Variants in POLE observed in about 807,000 individuals in gnomAD.
The protein encoded by POLE is DNA polymerase epsilon catalytic subunit A.
A neutral mutation model predicts 279.2 loss-of-function variants in POLE; 188 were observed. The observed-to-expected ratio is 0.67, with a 90% CI of 0.60 to 0.76. The LOEUF is 0.76. Among genes scored for constraint, POLE ranks in the 30% least tolerant of loss-of-function variants. The probability of loss-of-function intolerance (pLI) is 0.00; values close to 1 mark genes in which losing one functional copy is unlikely to be tolerated. For missense variants in POLE, 2,703 were observed against 3,016.7 expected (o/e 0.90, Z 2.44); for synonymous variants, 1,214 against 1,172.5 (o/e 1.04, Z -0.72).
Position 132,676,649 on chromosome 12 carries a change from G to GACA in POLE, c.805_806insTGT (p.Pro269delinsLeuSer). 1 of 1,604,410 alleles carries GACA rather than the reference G, an allele frequency of 6.2e-7. No individual in the cohort carries two copies. Among genetic ancestry groups the GACA allele is most frequent in the Non-Finnish European group, 8.5e-7 (1 of 1,171,282 alleles). The stretch of plus-strand genomic sequence containing the variant: ...CTCAATGTCAAATGCCAAAACCACA[G>GACA]GGTCCTGTGGGGACAAAATAAGCAT... On this transcript the variant is annotated protein_altering_variant, in exon 9 of 49. Coordinates refer to ENST00000320574, the MANE Select transcript of POLE (RefSeq NM_006231.4).
chr12:132,653,145 G>A (rs984228639), intron 29 of POLE, among the ~76,000 whole-genome samples: 7 of 152,158 alleles, frequency 4.6e-5, no homozygotes, highest in African/African-American at 1.7e-4. Flanking sequence ...TTTGGGGGGG[G>A]CCCAGGCAGG....
In POLE at chr12:132,668,383, C is replaced by T. The variant is rs1379490235; in HGVS notation, c.2146G>A (p.Ala716Thr). 6.3e-7 allele frequency: 1 copy of T among 1,597,042 alleles called. No homozygotes were observed. Among genetic ancestry groups the T allele is most frequent in the Admixed American group, 1.7e-5 (1 of 57,276 alleles). ...AFHELSREEQAKYEKRRLADY... is the reference protein window; with the variant it reads ...AFHELSREEQTKYEKRRLADY... ...GCCAGCCTTCTCTTCTCGTATTTCGCCTGTTCCTCGCGGGACAGTTCATGA... is the reference window on the plus strand; with the variant it reads ...GCCAGCCTTCTCTTCTCGTATTTCGTCTGTTCCTCGCGGGACAGTTCATGA... Residue 716 changes from alanine (A) to threonine (T), a missense_variant, in exon 19 of 49, where the codon GCG becomes ACG. Transcript: ENST00000320574. This position sits in a 1 kb window ranked among gnomAD's most constrained non-coding sequence, Gnocchi z 4.0.
At chr12:132,677,961 C>T (rs547849475) in intron 6 of POLE, among the ~76,000 whole-genome samples, 12 of 152,104 alleles carry the variant, frequency 7.9e-5, no homozygotes, top group Admixed American at 1.3e-4. Flanking sequence ...GCGGATCACC[C>T]GAGGTCAGGA....
At position 132,634,989 on chromosome 12, in the gene POLE, G is replaced by A. The variant is rs2042005115; in HGVS notation, c.5812-611C>T. On this transcript the variant is annotated intron_variant, in intron 42 of 48. Coordinates refer to ENST00000320574, the MANE Select transcript of POLE (RefSeq NM_006231.4). This position sits in a 1 kb window ranked among gnomAD's most constrained non-coding sequence, Gnocchi z 4.0. ...TCCTGGGCAGTCTTGGCTTCATCCT[G>A]CCAGCTCCCAGAAGCGTCTGCGTCC... Among the ~76,000 whole-genome samples, 1 of 152,148 alleles carries A rather than the reference G, an allele frequency of 6.6e-6. No homozygotes were observed. Among genetic ancestry groups the A allele is most frequent in the South Asian group, 2.1e-4 (1 of 4,832 alleles).
chr12:132,634,529 G>A lies in POLE; in HGVS notation c.5812-151C>T, dbSNP rs1435056805. The A allele has an allele frequency of 1.2e-5, 9 of 769,604 alleles. No individual in the cohort carries two copies. The highest frequency in any genetic ancestry group is 1.9e-5 in the Non-Finnish European group (9 of 467,520). 47.7% of individuals were successfully genotyped at this position (769,604 alleles called of 1,614,324 possible). A position where few individuals can be genotyped will look rare whatever the true frequency, so the allele number is the denominator to read the frequency against. On this transcript the variant is annotated intron_variant, in intron 42 of 48. Coordinates refer to ENST00000320574, the MANE Select transcript of POLE (RefSeq NM_006231.4). This position sits in a 1 kb window ranked among gnomAD's most constrained non-coding sequence, Gnocchi z 4.0. The stretch of plus-strand genomic sequence containing the variant: ...AGTCAAGGCATCCCCTGGAGCCTGC[G>A]TGAATCCCCCAGGGTGGCTCCCAGT...
In POLE at chr12:132,624,269, G is replaced by A. The variant is rs371348285; in HGVS notation, c.*428C>T. On this transcript the variant is annotated 3_prime_UTR_variant, in exon 49 of 49. Transcript: ENST00000320574. ...CACCAGGGCCTTGGGAACCCGTCTC[G>A]TCTCAGAGCCCAATCTCAGGGAGCC... 8.4e-5 allele frequency: 22 copies of A among 261,746 alleles called. No individual in the cohort carries two copies. The highest frequency in any genetic ancestry group is 8.4e-4 in the South Asian group (8 of 9,560). 16.2% of individuals were successfully genotyped at this position (261,746 alleles called of 1,614,324 possible). A position where few individuals can be genotyped will look rare whatever the true frequency, so the allele number is the denominator to read the frequency against.
chr12:132,624,837 A>G, intron 48 of POLE, 27 bp from the exon 49 acceptor site: 1 of 1,586,670 alleles, frequency 6.3e-7, no homozygotes, highest in Non-Finnish European at 8.7e-7. Context: ...GCACAGTGAG[A>G]CCCCAGTCCA....
chr12:132,640,829 C>A (rs1238663605), intron 39 of POLE, among the ~76,000 whole-genome samples: 2 of 152,190 alleles, frequency 1.3e-5, no homozygotes, highest in Non-Finnish European at 1.5e-5. Context: ...CCTTTCAGGC[C>A]TGGGCTACTG....
intron 45 of POLE, among the ~76,000 whole-genome samples, chr12:132,630,516 G>A (rs542237718): frequency 2.6e-5 from 4 of 152,132 alleles, no homozygotes; most frequent in East Asian, 1.9e-4. Context: ...TTGGGAGGCC[G>A]AAGCAGGTGG....
chr12:132,662,391 A>T (rs1191950291), intron 23 of POLE, among the ~76,000 whole-genome samples: 1 of 152,270 alleles, frequency 6.6e-6, no homozygotes, highest in Non-Finnish European at 1.5e-5. Flanking sequence ...AGGATTGAAC[A>T]AACACATATA....
chr12:132,641,932 AC>A, intron 38 of POLE, 81 bp from the exon 39 acceptor site: 1 of 1,354,026 alleles, frequency 7.4e-7, no homozygotes, highest in Non-Finnish European at 1.0e-6. Flanking sequence ...TCCAGCCACC[AC>A]CACCTCCAGA....
In POLE at chr12:132,664,440, T is replaced by A. The variant is rs769073696; in HGVS notation, c.2491A>T (p.Met831Leu). 6.2e-7 allele frequency: 1 copy of A among 1,613,920 alleles called. No individual in the cohort carries two copies. Among genetic ancestry groups the A allele is most frequent in the African/African-American group, 1.3e-5 (1 of 74,984 alleles). The change falls in exon 22 of 49, where the codon ATG (methionine) becomes TTG (leucine). Residue 831 changes from methionine (M) to leucine (L), a missense_variant. By Grantham distance (15) the Met-to-Leu change is conservative (BLOSUM62 2). This residue lies in a region of POLE where 1,011 missense variants were observed against 1,111.7 expected (regional missense o/e 0.91). Transcript: ENST00000320574. The surrounding 1 kb of genome is among the most constrained non-coding windows in gnomAD (Gnocchi z 5.3). Reference sequence around the variant, plus strand: ...CCTGTGAAGCAGACGATGCCAGCCATCTCCATGGAGTACCAGCGAGCCCTG... The same window carrying A: ...CCTGTGAAGCAGACGATGCCAGCCAACTCCATGGAGTACCAGCGAGCCCTG... ...RKGARWYSMEMAGIVCFTGAN... is the reference protein window; with the variant it reads ...RKGARWYSMELAGIVCFTGAN...
In POLE at chr12:132,625,700, A is replaced by G; in HGVS notation, c.6602T>C (p.Met2201Thr). 6.2e-7 allele frequency: 1 copy of G among 1,613,756 alleles called. No individual in the cohort carries two copies. The highest frequency in any genetic ancestry group is 1.7e-5 in the Admixed American group (1 of 60,026). The change falls in exon 47 of 49, where the codon ATG becomes ACG. Residue 2201 changes from methionine to threonine, a missense_variant. By Grantham distance (81) the Met-to-Thr change is moderately conservative. Transcript: ENST00000320574. Reference protein sequence around the residue: ...QAPYDSSAIEMTLVEVLQKKL... With the variant: ...QAPYDSSAIETTLVEVLQKKL... ...CTTCTGTAGAACTTCCACCAGCGTC[A>G]TCTCGATGGCAGAGGAGTCGTAGGG...
At chr12:132,680,972 G>T in intron 2 of POLE, 166 bp downstream of exon 2, 1 of 760,490 alleles carries the variant, frequency 1.3e-6, no homozygotes, top group Non-Finnish European at 2.1e-6. Flanking sequence ...GCCTCTCTGT[G>T]GCCCTCAATG....
chr12:132,644,038 A>G, intron 32 of POLE, 61 bp from the exon 33 acceptor site: 1 of 1,554,740 alleles, frequency 6.4e-7, no homozygotes, highest in Admixed American at 1.8e-5. Context: ...TGTGGTACAC[A>G]CACAAAGCAC....
chr12:132,624,975 CCG>C lies in POLE; in HGVS notation c.6675_6676del (p.Val2227GlufsTer76). 6.2e-7 allele frequency: 1 copy of C among 1,613,932 alleles called. No individual in the cohort carries two copies. The highest frequency in any genetic ancestry group is 8.5e-7 in the Non-Finnish European group (1 of 1,179,964). On this transcript the variant is annotated frameshift_variant, in exon 48 of 49. Coordinates refer to ENST00000320574, the MANE Select transcript of POLE (RefSeq NM_006231.4). LOFTEE classifies it high-confidence loss of function. The stretch of plus-strand genomic sequence containing the variant: ...CACAGGCATGCTGGTCTCCTTCACC[CCG>C]CGGCACTTCAGGCAGACCTGAAAGG...
intron 32 of POLE, among the ~76,000 whole-genome samples, chr12:132,645,947 C>T (rs1390759999): frequency 6.6e-6 from 1 of 152,174 alleles, no homozygotes; most frequent in African/African-American, 2.4e-5. Context: ...ACCCCTTGAG[C>T]TCTAAGCTTG....
chr12:132,625,570 C>T, intron 47 of POLE, 75 bp downstream of exon 47: 1 of 1,579,166 alleles, frequency 6.3e-7, no homozygotes, highest in African/African-American at 1.3e-5. Flanking sequence ...CCTGCACACA[C>T]CCCGGCTCCC....
At chr12:132,679,387 G>T (rs924041893) in intron 6 of POLE, 110 bp downstream of exon 6, 3 of 1,074,216 alleles carry the variant, frequency 2.8e-6, no homozygotes, top group Non-Finnish European at 2.7e-6. Context: ...CAAGTTTTCC[G>T]TATCAAACAG....
Sources: allele counts gnomAD v4.1 joint callset (sites outside exome capture counted in the v4.1 genomes callset), GRCh38; gene constraint gnomAD v4.1.1; regional missense constraint gnomAD v4.1.1; non-coding constraint Gnocchi (gnomAD v3.1); transcripts MANE v1.5; gene names NCBI Gene and HGNC (gene_info 2026-07-23, HGNC 2026-07-21).